CBFA2T2: variants seen among roughly 807,000 people sequenced by gnomAD.
CBFA2T2 encodes the protein CBFA2/RUNX1 partner transcriptional co-repressor 2, also known as protein CBFA2T2.
CBFA2T2 carries 11 observed loss-of-function variants against 62.2 expected under a neutral mutation model. The observed-to-expected ratio is 0.18, with a 90% CI of 0.11 to 0.29. CBFA2T2 has a LOEUF of 0.29. Ranked by LOEUF, CBFA2T2 falls within the 10% of genes least tolerant of loss-of-function variation. The probability of loss-of-function intolerance (pLI) is 1.00; values close to 1 mark genes in which losing one functional copy is unlikely to be tolerated. For synonymous variants in CBFA2T2, 295 were observed against 287.5 expected (o/e 1.03, Z -0.27); for missense variants, 592 against 774.1 (o/e 0.76, Z 2.79).
chr20:33,621,064 G>T (rs1413603901), intron 4 of CBFA2T2, among the ~76,000 whole-genome samples: 2 of 151,988 alleles, frequency 1.3e-5, no homozygotes, highest in Non-Finnish European at 2.9e-5. Flanking sequence ...CTTTAATCTG[G>T]CACAGTTACT....
intron 1 of CBFA2T2, among the ~76,000 whole-genome samples, chr20:33,533,677 A>G (rs1176673762): frequency 6.6e-6 from 1 of 152,058 alleles, no homozygotes; most frequent in Non-Finnish European, 1.5e-5. Context: ...TTTTAAAAAA[A>G]AAAGCACAGA....
chr20:33,520,204 A>G (rs1204516213), intron 1 of CBFA2T2, among the ~76,000 whole-genome samples: 3 of 152,318 alleles, frequency 2.0e-5, no homozygotes, highest in East Asian at 3.9e-4. Context: ...CTATTTTGAT[A>G]TAGCACAAAC....
At position 33,636,958 on chromosome 20, in the gene CBFA2T2, C is replaced by T. The variant is rs77357433; in HGVS notation, c.1297+250C>T. Among the ~76,000 whole-genome samples the T allele has an allele frequency of 3.0e-4, 45 of 152,310 alleles. No homozygotes were observed. In the East Asian group the frequency reaches 8.5e-3, roughly 29 times the overall value. On this transcript the variant is annotated intron_variant, in intron 9 of 10. Coordinates refer to ENST00000342704, the MANE Select transcript of CBFA2T2 (RefSeq NM_001032999.3). ...CCTTTCACACTCTTCCACTGGGTCA[C>T]GCTGAGGCAATAAGTACCTGTTGAC... is the stretch of plus-strand genomic sequence containing the variant.
intron 10 of CBFA2T2, 146 bp from the exon 11 acceptor site, chr20:33,644,201 C>T: frequency 2.7e-6 from 2 of 750,438 alleles, no homozygotes; most frequent in South Asian, 1.9e-5. Context: ...AGTTAAACAG[C>T]AGTAGAGGGC....
At chr20:33,546,764 G>C (rs1288718661) in intron 1 of CBFA2T2, among the ~76,000 whole-genome samples, 1 of 151,764 alleles carries the variant, frequency 6.6e-6, no homozygotes, top group African/African-American at 2.4e-5. Flanking sequence ...TAAAGTGTTG[G>C]GATTACAGGC....
chr20:33,547,097 G>A (rs955358826), intron 1 of CBFA2T2, among the ~76,000 whole-genome samples: 6 of 152,176 alleles, frequency 3.9e-5, no homozygotes, highest in Non-Finnish European at 8.8e-5. Flanking sequence ...CTACTCAGGA[G>A]GCTGAGGCAG....
intron 1 of CBFA2T2, among the ~76,000 whole-genome samples, chr20:33,521,651 G>T (rs1002981009): frequency 1.3e-5 from 2 of 152,156 alleles, no homozygotes; most frequent in Non-Finnish European, 2.9e-5. Context: ...GACAGATTCT[G>T]TGTCATCAGG....
intron 6 of CBFA2T2, among the ~76,000 whole-genome samples, chr20:33,626,765 G>T (rs2016247325): frequency 6.6e-6 from 1 of 152,162 alleles, no homozygotes; most frequent in Non-Finnish European, 1.5e-5. Context: ...CCACAGTGGG[G>T]CCCCTGGCAT....
chr20:33,584,396 G>C (rs1360767324), intron 1 of CBFA2T2, among the ~76,000 whole-genome samples: 1 of 151,690 alleles, frequency 6.6e-6, no homozygotes, highest in African/African-American at 2.4e-5. Flanking sequence ...CTCCCAAGTA[G>C]GTGGGACTAC....
intron 1 of CBFA2T2, among the ~76,000 whole-genome samples, chr20:33,508,152 T>TGGCGCAATCTC (rs1568790812): frequency 6.6e-6 from 1 of 152,284 alleles, no homozygotes; most frequent in East Asian, 1.9e-4. Context: ...TAGAGTGCAG[T>TGGCGCAATCTC]GGCGCAATCT....
chr20:33,591,479 A>G (rs1287202541), intron 1 of CBFA2T2, among the ~76,000 whole-genome samples: 3 of 134,196 alleles, frequency 2.2e-5, no homozygotes, highest in East Asian at 2.0e-4. Flanking sequence ...AAAAAAAAAA[A>G]AAAAAAGAAA....
At chr20:33,607,243 G>T in intron 2 of CBFA2T2, 144 bp downstream of exon 2, 2 of 649,416 alleles carry the variant, frequency 3.1e-6, no homozygotes, top group South Asian at 5.8e-5. Context: ...ATTTCTGGTT[G>T]TTTCTTTTAT....
At chr20:33,630,278 T>G (rs918062935) in intron 8 of CBFA2T2, among the ~76,000 whole-genome samples, 2 of 152,182 alleles carry the variant, frequency 1.3e-5, no homozygotes, top group Non-Finnish European at 2.9e-5. Flanking sequence ...AAATGTTAAT[T>G]CTTCGTGGAG....
intron 10 of CBFA2T2, among the ~76,000 whole-genome samples, chr20:33,643,450 C>CAGAAAGGAGTAGGATAA: frequency 6.6e-6 from 1 of 151,634 alleles, no homozygotes; most frequent in East Asian, 2.0e-4. Flanking sequence ...GTGGCACATG[C>CAGAAAGGAGTAGGATAA]CTGTAGTCCC....
intron 1 of CBFA2T2, among the ~76,000 whole-genome samples, chr20:33,496,295 G>T (rs982341393): frequency 2.6e-5 from 4 of 152,190 alleles, no homozygotes; most frequent in Admixed American, 2.0e-4. Context: ...TGTTAATAGT[G>T]AATTCTGGCT....
chr20:33,623,804 G>C, intron 5 of CBFA2T2: 1 of 716,370 alleles, frequency 1.4e-6, no homozygotes, highest in East Asian at 2.7e-5. Context: ...TATGGGAGTA[G>C]CTTCCAGACA....
chr20:33,493,019 C>T (rs6141403), intron 1 of CBFA2T2, among the ~76,000 whole-genome samples: 2 of 147,910 alleles, frequency 1.4e-5, no homozygotes, highest in African/African-American at 5.0e-5. Context: ...TCCCAAAGTT[C>T]TGGGATTACA....
intron 1 of CBFA2T2, among the ~76,000 whole-genome samples, chr20:33,563,774 T>C (rs1308559339): frequency 2.0e-5 from 3 of 152,174 alleles, no homozygotes; most frequent in Non-Finnish European, 2.9e-5. Context: ...GTTCACTTTT[T>C]TTGCTGCGAT....
rs145887050 is a variant in CBFA2T2, at chr20:33,566,989, G to A, written c.35-39967G>A. On this transcript the variant is annotated intron_variant, in intron 1 of 10. Coordinates refer to ENST00000342704, the MANE Select transcript of CBFA2T2 (RefSeq NM_001032999.3). ...GATTTAAAAGATTGCTACCATGATG[G>A]ACTCTGTGGATTGTTTAATTTTCCC... Among the ~76,000 whole-genome samples, 736 of 152,272 alleles carry A rather than the reference G, an allele frequency of 4.8e-3. 8 individuals carry two copies. The highest frequency in any genetic ancestry group is 0.016 in the African/African-American group (680 of 41,558).
Sources: allele counts gnomAD v4.1 joint callset (sites outside exome capture counted in the v4.1 genomes callset), GRCh38; gene constraint gnomAD v4.1.1; transcripts MANE v1.5; gene names NCBI Gene and HGNC (gene_info 2026-07-23, HGNC 2026-07-21).